The following MAP2K6 variants were observed in gnomAD, a reference collection of about 807,000 sequenced individuals.
MAP2K6 encodes the protein dual specificity mitogen-activated protein kinase kinase 6.
MAP2K6 carries 16 observed loss-of-function variants against 53.7 expected under a neutral mutation model. The observed-to-expected ratio is 0.30, with a 90% CI of 0.20 to 0.45. MAP2K6 has a LOEUF of 0.45. Ranked by LOEUF, MAP2K6 falls within the 20% of genes least tolerant of loss-of-function variation. The pLI, the probability that MAP2K6 is intolerant of heterozygous loss-of-function variation, is 1.00. For synonymous variants in MAP2K6, 132 were observed against 143.1 expected (o/e 0.92, Z 0.55); for missense variants, 204 against 411.9 (o/e 0.50, Z 4.37).
At chr17:69,465,995 G>A (rs1907785281) in intron 1 of MAP2K6, among the ~76,000 whole-genome samples, 1 of 150,794 alleles carries the variant, frequency 6.6e-6, no homozygotes, top group African/African-American at 2.4e-5. Flanking sequence ...ACCTTTGGCT[G>A]GGTGTGGTGG....
At position 69,435,859 on chromosome 17, in the gene MAP2K6, G is replaced by T. The variant is rs1906623917; in HGVS notation, c.16+20859G>T. 2.0e-5 allele frequency among the ~76,000 whole-genome samples: 3 copies of T among 151,848 alleles called. No homozygotes were observed. In the South Asian group the frequency reaches 6.2e-4, roughly 32 times the overall value. Reference sequence around the variant, plus strand: ...ATTTTTATATTTTTAGTAGAGATGGGGTTTCGCCATGTTGGCTAGGCTGGT... The same window carrying T: ...ATTTTTATATTTTTAGTAGAGATGGTGTTTCGCCATGTTGGCTAGGCTGGT... On this transcript the variant is annotated intron_variant, in intron 1 of 11. Coordinates refer to ENST00000590474, the MANE Select transcript of MAP2K6 (RefSeq NM_002758.4).
At chr17:69,452,543 C>T (rs910309931) in intron 1 of MAP2K6, among the ~76,000 whole-genome samples, 3 of 152,132 alleles carry the variant, frequency 2.0e-5, no homozygotes, top group Non-Finnish European at 4.4e-5. Context: ...TTCAAGAAAT[C>T]TAGATAACAG....
intron 1 of MAP2K6, among the ~76,000 whole-genome samples, chr17:69,466,320 T>G (rs1279176200): frequency 6.7e-6 from 1 of 149,466 alleles, no homozygotes; most frequent in Non-Finnish European, 1.5e-5. Context: ...AAAAAAGAAA[T>G]ATATAGACCT....
chr17:69,437,721 T>C (rs941739367), intron 1 of MAP2K6, among the ~76,000 whole-genome samples: 1 of 152,246 alleles, frequency 6.6e-6, no homozygotes, highest in Non-Finnish European at 1.5e-5. Context: ...CTGTACTTAT[T>C]AAGGTGTTGC....
intron 1 of MAP2K6, among the ~76,000 whole-genome samples, chr17:69,425,822 G>A (rs1356739783): frequency 1.3e-5 from 2 of 152,182 alleles, no homozygotes; most frequent in African/African-American, 2.4e-5. Context: ...GCTAGAATCT[G>A]AAGAATCAGT....
chr17:69,480,205 C>T (rs540433902), intron 1 of MAP2K6, among the ~76,000 whole-genome samples: 1 of 152,300 alleles, frequency 6.6e-6, no homozygotes, highest in African/African-American at 2.4e-5. Context: ...TAGAATTTTG[C>T]ATCGGTACCC....
intron 1 of MAP2K6, among the ~76,000 whole-genome samples, chr17:69,473,326 A>T (rs1908041600): frequency 6.6e-6 from 1 of 152,200 alleles, no homozygotes; most frequent in South Asian, 2.1e-4. Context: ...GTAAAATGCC[A>T]AGGGATAAAA....
At chr17:69,445,329 C>T (rs971852947) in intron 1 of MAP2K6, among the ~76,000 whole-genome samples, 1 of 152,226 alleles carries the variant, frequency 6.6e-6, no homozygotes, top group Non-Finnish European at 1.5e-5. Flanking sequence ...TCTTAGATTA[C>T]TTCCTGACCT....
chr17:69,478,439 T>C (rs1296615697), intron 1 of MAP2K6, among the ~76,000 whole-genome samples: 4 of 152,182 alleles, frequency 2.6e-5, no homozygotes, highest in Admixed American at 2.6e-4. Flanking sequence ...TTTTACTTTC[T>C]TTCTTTTTTT....
At chr17:69,432,642 G>A (rs1391308928) in intron 1 of MAP2K6, among the ~76,000 whole-genome samples, 1 of 151,658 alleles carries the variant, frequency 6.6e-6, no homozygotes, top group African/African-American at 2.4e-5. Flanking sequence ...AACACACATC[G>A]GGGCCTATCG....
intron 1 of MAP2K6, among the ~76,000 whole-genome samples, chr17:69,467,580 G>T (rs1310791467): frequency 1.3e-5 from 2 of 152,156 alleles, no homozygotes; most frequent in Non-Finnish European, 2.9e-5. Flanking sequence ...CTGTTGCTAG[G>T]TTGACTGTTA....
At chr17:69,485,467 T>A in intron 1 of MAP2K6, 1 of 983,804 alleles carries the variant, frequency 1.0e-6, no homozygotes, top group Non-Finnish European at 1.2e-6. Flanking sequence ...CAGAAGCTTA[T>A]ACACTGTTAG....
intron 11 of MAP2K6, among the ~76,000 whole-genome samples, chr17:69,538,746 G>T (rs12603937): frequency 0.04 from 6,113 of 152,242 alleles, 356 homozygotes; most frequent in East Asian, 0.29. Flanking sequence ...CATGTCATTT[G>T]CTTCTTCTCT....
At chr17:69,458,933 G>T (rs1172881060) in intron 1 of MAP2K6, among the ~76,000 whole-genome samples, 1 of 152,058 alleles carries the variant, frequency 6.6e-6, no homozygotes, top group African/African-American at 2.4e-5. Context: ...CTGACCTTTT[G>T]GAGCACATTA....
chr17:69,457,365 G>A (rs915316542), intron 1 of MAP2K6, among the ~76,000 whole-genome samples: 3 of 152,226 alleles, frequency 2.0e-5, no homozygotes, highest in Non-Finnish European at 2.9e-5. Context: ...GAAATCTTCA[G>A]TGTTTGGCCC....
At chr17:69,528,581 G>A (rs774513865) in intron 10 of MAP2K6, among the ~76,000 whole-genome samples, 6 of 151,966 alleles carry the variant, frequency 3.9e-5, no homozygotes, top group Admixed American at 2.0e-4. Flanking sequence ...ATGAGGGGCC[G>A]GGCGTGGTGG....
At position 69,548,270 on chromosome 17, in the gene MAP2K6, C is replaced by T. The variant is rs544238772; in HGVS notation, c.*6517C>T. 4 of 152,144 alleles carry T rather than the reference C, an allele frequency of 2.6e-5. No individual in the cohort carries two copies. Among genetic ancestry groups the T allele is most frequent in the Non-Finnish European group, 5.9e-5 (4 of 67,998 alleles). 9.4% of individuals were successfully genotyped at this position (152,144 alleles called of 1,614,324 possible). On this transcript the variant is annotated 3_prime_UTR_variant, in exon 12 of 12. Coordinates refer to ENST00000590474, the MANE Select transcript of MAP2K6 (RefSeq NM_002758.4). ...ATGTGATTTTCTTGGGTTGCTGGCC[C>T]TAGTTGAATTTATGGGCCCTGAAGC... is the stretch of plus-strand genomic sequence containing the variant.
chr17:69,545,847 C>G lies in MAP2K6; in HGVS notation c.*4094C>G, dbSNP rs1911855228. On this transcript the variant is annotated 3_prime_UTR_variant, in exon 12 of 12. Transcript: ENST00000590474. ...ACCAGCCTGACTAACATGATGAAAC[C>G]CCGTCTCTACTAAAAATACAAAATT... 1 of 152,050 alleles carries G rather than the reference C, an allele frequency of 6.6e-6. No individual in the cohort carries two copies. The highest frequency in any genetic ancestry group is 2.1e-4 in the South Asian group (1 of 4,810). 9.4% of individuals were successfully genotyped at this position (152,050 alleles called of 1,614,324 possible).
intron 1 of MAP2K6, among the ~76,000 whole-genome samples, chr17:69,428,799 C>T (rs982022261): frequency 3.3e-5 from 5 of 151,284 alleles, no homozygotes; most frequent in African/African-American, 1.2e-4. Context: ...GGAAGTAAAA[C>T]AAGAGACTTC....
Sources: gnomAD v4.1 joint callset for allele counts (sites outside exome capture counted in the v4.1 genomes callset) on GRCh38, gnomAD v4.1.1 for gene constraint, MANE v1.5 for transcripts, NCBI Gene and HGNC (gene_info 2026-07-23, HGNC 2026-07-21) for gene names.